Variants in RABL3 observed in about 807,000 individuals in gnomAD.
The protein encoded by RABL3 is rab-like protein 3.
RABL3 carries 31 observed loss-of-function variants against 31.8 expected under a neutral mutation model. The observed-to-expected ratio is 0.97, with a 90% CI of 0.73 to 1.31. RABL3 has a LOEUF of 1.31. Ranked by LOEUF, RABL3 falls within the 40% of genes most tolerant of loss-of-function variation. The probability of loss-of-function intolerance (pLI) is 0.00; values close to 1 mark genes in which losing one functional copy is unlikely to be tolerated. For synonymous variants in RABL3, 97 were observed against 99.9 expected (o/e 0.97, Z 0.18); for missense variants, 263 against 279.6 (o/e 0.94, Z 0.42).
At position 120,688,463 on chromosome 3, in the gene RABL3, TAACA is replaced by T. The variant is rs1708340271; in HGVS notation, c.*1356_*1359del. On this transcript the variant is annotated 3_prime_UTR_variant, in exon 8 of 8. Coordinates refer to ENST00000273375, the MANE Select transcript of RABL3 (RefSeq NM_173825.5). Reference sequence around the variant, plus strand: ...AGACTGCCTTTCTAAAAGGACTCTCTAACATTCTTATTTTAATATCCTCTTGCAG... The same window carrying T: ...AGACTGCCTTTCTAAAAGGACTCTCTTTCTTATTTTAATATCCTCTTGCAG... 1 of 152,402 alleles carries T rather than the reference TAACA, an allele frequency of 6.6e-6. No homozygotes were observed. The highest frequency in any genetic ancestry group is 2.4e-5 in the African/African-American group (1 of 41,450). The allele number at this position is 152,402 out of a possible 1,614,324, so 9.4% of individuals were successfully genotyped here.
At chr3:120,713,371 A>T (rs991783116) in intron 2 of RABL3, among the ~76,000 whole-genome samples, 2 of 152,236 alleles carry the variant, frequency 1.3e-5, no homozygotes, top group African/African-American at 4.8e-5. Context: ...AACAATTTTA[A>T]ATCAGTAGCT....
intron 2 of RABL3, among the ~76,000 whole-genome samples, chr3:120,728,798 A>C (rs115804582): frequency 1.6e-3 from 239 of 152,000 alleles, no homozygotes; most frequent in African/African-American, 5.6e-3. Flanking sequence ...AGACAGAGAG[A>C]AAGAGTACAG....
chr3:120,725,399 G>A (rs966225046), intron 2 of RABL3, among the ~76,000 whole-genome samples: 6 of 152,118 alleles, frequency 3.9e-5, no homozygotes, highest in Non-Finnish European at 5.9e-5. Context: ...TGATTCCTCA[G>A]GGATCTAGAA....
intron 1 of RABL3, among the ~76,000 whole-genome samples, chr3:120,738,986 TACTGCCACCAGCCATAC>T: frequency 6.6e-6 from 1 of 152,302 alleles, no homozygotes; most frequent in East Asian, 1.9e-4. Context: ...CATGGGGTTA[TACTGCCACCAGCCATAC>T]ACTTGAGCCT....
At chr3:120,694,767 A>G (rs779074738) in intron 5 of RABL3, among the ~76,000 whole-genome samples, 6 of 152,110 alleles carry the variant, frequency 3.9e-5, no homozygotes, top group Non-Finnish European at 8.8e-5. Flanking sequence ...GTAGGCCACA[A>G]AGATATATTA....
chr3:120,709,916 A>G lies in RABL3; in HGVS notation c.139-7T>C. 1 of 1,578,754 alleles carries G rather than the reference A, an allele frequency of 6.3e-7. No homozygotes were observed. Among genetic ancestry groups the G allele is most frequent in the Non-Finnish European group, 8.6e-7 (1 of 1,161,440 alleles). ...CTTCTTTGTAATCATGAACCTAACA[A>G]ATCAATCAATTAAAATAATTAATAT... On this transcript the variant is annotated splice_polypyrimidine_tract_variant and splice_region_variant and intron_variant, in intron 2 of 7. Coordinates refer to ENST00000273375, the MANE Select transcript of RABL3 (RefSeq NM_173825.5).
intron 4 of RABL3, among the ~76,000 whole-genome samples, chr3:120,702,316 C>G (rs1708500925): frequency 6.6e-6 from 1 of 152,098 alleles, no homozygotes; most frequent in African/African-American, 2.4e-5. Context: ...CACCTCAGAT[C>G]ATCAGGCATT....
At chr3:120,704,038 A>T (rs77135757) in intron 4 of RABL3, among the ~76,000 whole-genome samples, 2,669 of 152,332 alleles carry the variant, frequency 0.018, 86 homozygotes, top group African/African-American at 0.061. Flanking sequence ...AGGAAGGAAT[A>T]CTTCCAATTA....
chr3:120,693,144 A>C (rs1312162680), intron 6 of RABL3, among the ~76,000 whole-genome samples: 1 of 151,782 alleles, frequency 6.6e-6, no homozygotes, highest in Non-Finnish European at 1.5e-5. Flanking sequence ...ACTGAGGGAA[A>C]TCAGCATCTA....
At chr3:120,719,460 C>T (rs974897775) in intron 2 of RABL3, among the ~76,000 whole-genome samples, 4 of 152,204 alleles carry the variant, frequency 2.6e-5, no homozygotes, top group African/African-American at 4.8e-5. Context: ...CCAAGGGAAG[C>T]GGTGACAGAT....
intron 2 of RABL3, among the ~76,000 whole-genome samples, chr3:120,721,696 C>T (rs1576342044): frequency 6.6e-6 from 1 of 152,206 alleles, no homozygotes; most frequent in African/African-American, 2.4e-5. Flanking sequence ...TAGAGACCTA[C>T]AAAGACACTT....
intron 5 of RABL3, among the ~76,000 whole-genome samples, chr3:120,698,042 T>TA (rs1309801112): frequency 3.3e-5 from 5 of 152,108 alleles, no homozygotes; most frequent in African/African-American, 2.4e-5. Context: ...TACATGCCTG[T>TA]AATCCCAGCT....
chr3:120,730,666 T>C (rs754824218), intron 2 of RABL3, 30 bp downstream of exon 2: 13 of 1,450,238 alleles, frequency 9.0e-6, no homozygotes, highest in Middle Eastern at 3.5e-4. Flanking sequence ...TAGTACATTA[T>C]TGAAAAACTA....
chr3:120,712,102 A>C (rs1336145856), intron 2 of RABL3, among the ~76,000 whole-genome samples: 1 of 152,224 alleles, frequency 6.6e-6, no homozygotes, highest in East Asian at 1.9e-4. Flanking sequence ...TACTACATTC[A>C]ACTTAATGCT....
intron 2 of RABL3, among the ~76,000 whole-genome samples, chr3:120,725,223 A>C (rs944458695): frequency 3.9e-5 from 6 of 152,246 alleles, no homozygotes; most frequent in African/African-American, 1.4e-4. Flanking sequence ...CCATCAGAGA[A>C]ATGCAAATCA....
At chr3:120,737,155 G>C (rs1016060811) in intron 1 of RABL3, among the ~76,000 whole-genome samples, 1 of 152,184 alleles carries the variant, frequency 6.6e-6, no homozygotes, top group African/African-American at 2.4e-5. Flanking sequence ...GTCACTTTCA[G>C]GTACACCAAT....
intron 4 of RABL3, among the ~76,000 whole-genome samples, chr3:120,699,578 T>C (rs965107223): frequency 2.0e-5 from 3 of 152,190 alleles, no homozygotes; most frequent in African/African-American, 4.8e-5. Context: ...TAAATCAATA[T>C]TGCATAATCC....
intron 2 of RABL3, among the ~76,000 whole-genome samples, chr3:120,728,669 T>C (rs1487554888): frequency 6.6e-6 from 1 of 152,032 alleles, no homozygotes; most frequent in Non-Finnish European, 1.5e-5. Context: ...AACCTGCACA[T>C]TGTGCACATG....
chr3:120,720,908 G>A (rs1049280721), intron 2 of RABL3, among the ~76,000 whole-genome samples: 1 of 152,118 alleles, frequency 6.6e-6, no homozygotes, highest in African/African-American at 2.4e-5. Context: ...TTGAAATGAA[G>A]GAAAAAATGT....
Sources: gnomAD v4.1 joint callset for allele counts (sites outside exome capture counted in the v4.1 genomes callset) on GRCh38, gnomAD v4.1.1 for gene constraint, MANE v1.5 for transcripts, NCBI Gene and HGNC (gene_info 2026-07-23, HGNC 2026-07-21) for gene names.